The following ERC1 variants were observed in gnomAD, a reference collection of about 807,000 sequenced individuals.
The protein encoded by ERC1 is ELKS/RAB6-interacting/CAST family member 1, also known as RAB6 interacting protein 2.
In ERC1, 56 loss-of-function variants were observed where a neutral mutation model predicts 132.0. The ratio of observed to expected loss-of-function variants is 0.42; its 90% CI spans 0.34 to 0.53. The LOEUF is 0.53. ERC1 is among the 20% of genes least tolerant of loss of function. The pLI is 0.03. For missense variants in ERC1, 1,202 were observed against 1,349.9 expected (o/e 0.89, Z 1.72); for synonymous variants, 478 against 476.1 (o/e 1.00, Z -0.05).
At position 1,236,758 on chromosome 12, in the gene ERC1, T is replaced by C. The variant is rs764152357; in HGVS notation, c.2352-11T>C. The stretch of plus-strand genomic sequence containing the variant: ...ATATGCAAAGCTTGATTTTTCTCCT[T>C]CTGTCATTAGGCAAGTGAAAGACCA... On this transcript the variant is annotated splice_polypyrimidine_tract_variant and intron_variant, in intron 12 of 18. Transcript: ENST00000360905. 1.2e-5 allele frequency: 20 copies of C among 1,611,546 alleles called. No individual in the cohort carries two copies. Among genetic ancestry groups the C allele is most frequent in the Non-Finnish European group, 1.6e-5 (19 of 1,178,714 alleles).
chr12:1,433,219 CTGACG>C (rs1392876735), intron 17 of ERC1, among the ~76,000 whole-genome samples: 1 of 152,174 alleles, frequency 6.6e-6, no homozygotes, highest in Non-Finnish European at 1.5e-5. Flanking sequence ...AGGGAAGTAA[CTGACG>C]TGAGAGCAGA....
chr12:1,092,695 T>G (rs1388811848), intron 3 of ERC1, among the ~76,000 whole-genome samples: 32 of 152,236 alleles, frequency 2.1e-4, no homozygotes, highest in Non-Finnish European at 1.5e-5. Context: ...GTGCAATGGC[T>G]CACGTCTGTA....
intron 13 of ERC1, among the ~76,000 whole-genome samples, chr12:1,240,545 T>C (rs556552904): frequency 6.6e-6 from 1 of 152,198 alleles, no homozygotes; most frequent in Non-Finnish European, 1.5e-5. Flanking sequence ...CCTGTGACTC[T>C]GGGTTCATTT....
chr12:1,141,847 C>T, intron 8 of ERC1, 60 bp downstream of exon 8: 1 of 1,279,192 alleles, frequency 7.8e-7, no homozygotes, highest in Non-Finnish European at 1.0e-6. Flanking sequence ...ACTCCTACCA[C>T]TAAGTTATTT....
At chr12:1,469,573 T>G (rs35894776) in intron 18 of ERC1, among the ~76,000 whole-genome samples, 53,293 of 152,114 alleles carry the variant, frequency 0.35, 12,187 homozygotes, top group African/African-American at 0.66. Context: ...GCCATGTGGG[T>G]CCTGGAGCTC....
At position 1,492,301 on chromosome 12, in the gene ERC1, A is replaced by G. The variant is rs1478527785; in HGVS notation, c.*2071A>G. The stretch of plus-strand genomic sequence containing the variant: ...CTGTTCATTGCAGTGCCCGTAAACC[A>G]TGTAGAAAGCTCCCAGCACTGAAAG... On this transcript the variant is annotated 3_prime_UTR_variant, in exon 19 of 19. Coordinates refer to ENST00000360905, the MANE Select transcript of ERC1 (RefSeq NM_178040.4). The G allele has an allele frequency of 4.3e-6, 1 of 233,174 alleles. No individual in the cohort carries two copies. The highest frequency in any genetic ancestry group is 6.0e-5 in the East Asian group (1 of 16,602). 14.4% of individuals were successfully genotyped at this position (233,174 alleles called of 1,614,324 possible).
chr12:1,460,958 C>CTTTTTTTTTTTTTTTTTTTTTTTTTTTT (rs35505633), intron 18 of ERC1, among the ~76,000 whole-genome samples: 1 of 64,912 alleles, frequency 1.5e-5, no homozygotes, highest in African/African-American at 6.1e-5. Flanking sequence ...TGAGGAGGCC[C>CTTTTTTTTTTTTTTTTTTTTTTTTTTTT]TTTTTTTTTT....
At chr12:1,411,625 A>AT (rs1487956593) in intron 17 of ERC1, among the ~76,000 whole-genome samples, 1 of 152,182 alleles carries the variant, frequency 6.6e-6, no homozygotes, top group Admixed American at 6.5e-5. Flanking sequence ...CAATGTGCTA[A>AT]TTATCTGCAC....
intron 2 of ERC1, among the ~76,000 whole-genome samples, chr12:1,073,481 A>C (rs1041496026): frequency 2.6e-5 from 4 of 151,354 alleles, no homozygotes; most frequent in African/African-American, 9.7e-5. Context: ...GCAAAACTCC[A>C]TCTCTACTAA....
At chr12:1,009,802 ATAAAC>A (rs1398987332) in intron 1 of ERC1, among the ~76,000 whole-genome samples, 1 of 152,234 alleles carries the variant, frequency 6.6e-6, no homozygotes, top group African/African-American at 2.4e-5. Context: ...AGTGTTCATT[ATAAAC>A]TAGATACTGT....
chr12:1,018,406 G>C (rs1965850255), intron 1 of ERC1, among the ~76,000 whole-genome samples: 1 of 152,024 alleles, frequency 6.6e-6, no homozygotes, highest in Admixed American at 6.6e-5. Context: ...GTAGAGACGG[G>C]GTTTCGCCAT....
intron 13 of ERC1, among the ~76,000 whole-genome samples, chr12:1,242,925 C>G (rs553229085): frequency 1.3e-5 from 2 of 152,290 alleles, no homozygotes; most frequent in East Asian, 3.9e-4. Flanking sequence ...CGGTGGCTCA[C>G]GCCTGTAATC....
chr12:1,050,510 T>A lies in ERC1; in HGVS notation c.669+21938T>A, dbSNP rs28374942. Reference sequence around the variant, plus strand: ...CCTCCCAAAGTTTCTGGTTTAGGACTGCTGGGGGAAGGCTCAGGAATCTGT... The same window carrying A: ...CCTCCCAAAGTTTCTGGTTTAGGACAGCTGGGGGAAGGCTCAGGAATCTGT... On this transcript the variant is annotated intron_variant, in intron 2 of 18. Transcript: ENST00000360905. Among the ~76,000 whole-genome samples, 1,102 of 152,334 alleles carry A rather than the reference T, an allele frequency of 7.2e-3. 19 individuals are homozygous for A. Among genetic ancestry groups the A allele is most frequent in the African/African-American group, 0.024 (988 of 41,560 alleles).
intron 17 of ERC1, among the ~76,000 whole-genome samples, chr12:1,412,831 G>A (rs546914860): frequency 1.3e-5 from 2 of 152,214 alleles, no homozygotes; most frequent in Non-Finnish European, 2.9e-5. Context: ...TTGTTATGCT[G>A]TTGCCGTTGT....
intron 14 of ERC1, among the ~76,000 whole-genome samples, chr12:1,277,455 T>A (rs2078352975): frequency 6.6e-6 from 1 of 152,222 alleles, no homozygotes; most frequent in Non-Finnish European, 1.5e-5. Context: ...ATAATATTAT[T>A]AAGACTGATT....
At chr12:1,487,065 T>A (rs1388321840) in intron 18 of ERC1, among the ~76,000 whole-genome samples, 2 of 152,222 alleles carry the variant, frequency 1.3e-5, no homozygotes, top group Admixed American at 1.3e-4. Context: ...CCTTTTCACT[T>A]AGCAGCATTC....
At chr12:1,322,945 T>C (rs984573691) in intron 15 of ERC1, among the ~76,000 whole-genome samples, 11 of 152,206 alleles carry the variant, frequency 7.2e-5, no homozygotes, top group African/African-American at 2.4e-4. Context: ...TATGAGTTTG[T>C]ATGCCCTGAC....
At chr12:1,293,319 G>T (rs1182031404) in intron 15 of ERC1, among the ~76,000 whole-genome samples, 2 of 149,658 alleles carry the variant, frequency 1.3e-5, no homozygotes, top group African/African-American at 4.9e-5. Flanking sequence ...CAGGCGTGGT[G>T]GCGGGCGCCT....
chr12:1,075,259 A>G (rs1941142936), intron 2 of ERC1, among the ~76,000 whole-genome samples: 1 of 152,200 alleles, frequency 6.6e-6, no homozygotes, highest in Non-Finnish European at 1.5e-5. Flanking sequence ...GACACCCCCC[A>G]AATTTAACTA....
Sources: allele counts gnomAD v4.1 joint callset (sites outside exome capture counted in the v4.1 genomes callset), GRCh38; gene constraint gnomAD v4.1.1; transcripts MANE v1.5; gene names NCBI Gene and HGNC (gene_info 2026-07-23, HGNC 2026-07-21).